Variants in CDC42BPA observed in about 807,000 individuals in gnomAD.
CDC42BPA encodes CDC42 binding protein kinase alpha.
Under a neutral mutation model 223.5 loss-of-function variants are expected in CDC42BPA, and 80 were observed. The observed-to-expected ratio is 0.36, with a 90% CI of 0.30 to 0.43. The LOEUF (loss-of-function observed/expected upper bound fraction) is 0.43, where lower values mean the gene tolerates loss of function less well. Ranked by LOEUF, CDC42BPA falls within the 20% of genes least tolerant of loss-of-function variation. The pLI is 1.00. For missense variants in CDC42BPA, 1,743 were observed against 2,099.9 expected, an observed-to-expected ratio of 0.83 and a Z score of 3.32; for synonymous variants, 694 against 718.6, an observed-to-expected ratio of 0.97 and a Z score of 0.55.
rs1451649755 is a variant in CDC42BPA, at chr1:226,992,386, A to G, written c.*1882T>C. 6.6e-6 allele frequency: 1 copy of G among 152,256 alleles called. No homozygotes were observed. The highest frequency in any genetic ancestry group is 1.5e-5 in the Non-Finnish European group (1 of 68,048). The allele number at this position is 152,256 out of a possible 1,614,324, so 9.4% of individuals were successfully genotyped here. ...CAAAGCTGTTACATGAAAATTCCCG[A>G]TTATAGGTGCTTACAATGGAATCCC... is the stretch of plus-strand genomic sequence containing the variant. On this transcript the variant is annotated 3_prime_UTR_variant, in exon 37 of 37. Coordinates refer to ENST00000366766, the MANE Select transcript of CDC42BPA (RefSeq NM_001394014.1).
intron 1 of CDC42BPA, among the ~76,000 whole-genome samples, chr1:227,278,584 G>A (rs1047532885): frequency 3.3e-5 from 5 of 152,104 alleles, no homozygotes; most frequent in Non-Finnish European, 5.9e-5. Flanking sequence ...ACAAAATATT[G>A]ACCTTGTTCA....
intron 17 of CDC42BPA, among the ~76,000 whole-genome samples, chr1:227,075,335 C>T (rs934112899): frequency 3.9e-5 from 6 of 152,166 alleles, no homozygotes; most frequent in Non-Finnish European, 5.9e-5. Context: ...ATACAGCAGA[C>T]ATGTTTAACT....
At chr1:227,215,546 T>C (rs1343233138) in intron 2 of CDC42BPA, among the ~76,000 whole-genome samples, 1 of 152,216 alleles carries the variant, frequency 6.6e-6, no homozygotes, top group Non-Finnish European at 1.5e-5. Context: ...AGACCCATTC[T>C]ACACACCTGT....
At chr1:227,224,862 TATAA>T (rs1676572339) in intron 2 of CDC42BPA, among the ~76,000 whole-genome samples, 1 of 152,206 alleles carries the variant, frequency 6.6e-6, no homozygotes, top group Admixed American at 6.5e-5. Context: ...ATAAGGCATT[TATAA>T]TATGGAAAAA....
intron 35 of CDC42BPA, 59 bp from the exon 36 acceptor site, chr1:226,995,039 G>A: frequency 6.7e-7 from 1 of 1,490,534 alleles, no homozygotes; most frequent in South Asian, 1.2e-5. Flanking sequence ...ACTCTAGAAA[G>A]CACACAGACT....
rs35451914 is a variant in CDC42BPA at position 227,317,511 on chromosome 1, TAA to T, written c.-331_-330del. ...ACGAACTAGAGAGTCAACACTTCTT[TAA>T]AAAAAAAAAAAAAAACTCTTCTCCT... On this transcript the variant is annotated 5_prime_UTR_variant, in exon 1 of 37. The change abolishes the stop of an existing upstream ORF in the 5' untranslated region. Coordinates refer to ENST00000366766, the MANE Select transcript of CDC42BPA (RefSeq NM_001394014.1). 2.2e-4 allele frequency: 85 copies of T among 379,608 alleles called. No individual in the cohort carries two copies. Among genetic ancestry groups the T allele is most frequent in the South Asian group, 5.5e-4 (4 of 7,272 alleles). 23.5% of individuals were successfully genotyped at this position (379,608 alleles called of 1,614,324 possible). A position where few individuals can be genotyped will look rare whatever the true frequency, so the allele number is the denominator to read the frequency against.
chr1:227,254,397 AAT>A (rs994093471), intron 1 of CDC42BPA, among the ~76,000 whole-genome samples: 4 of 152,194 alleles, frequency 2.6e-5, no homozygotes, highest in African/African-American at 7.2e-5. Flanking sequence ...TTAAACTCCA[AAT>A]AACATATAAA....
At chr1:227,048,951 T>C (rs1673015205) in intron 22 of CDC42BPA, among the ~76,000 whole-genome samples, 1 of 151,924 alleles carries the variant, frequency 6.6e-6, no homozygotes, top group Non-Finnish European at 1.5e-5. Context: ...TTTGTTACCA[T>C]ACAACCTCCA....
At chr1:227,237,246 T>A (rs1679214454) in intron 2 of CDC42BPA, among the ~76,000 whole-genome samples, 2 of 152,094 alleles carry the variant, frequency 1.3e-5, no homozygotes, top group Admixed American at 1.3e-4. Context: ...CAGCTCAATC[T>A]GGAAAAGTTA....
intron 1 of CDC42BPA, among the ~76,000 whole-genome samples, chr1:227,261,910 C>T (rs1300705989): frequency 6.6e-6 from 1 of 152,150 alleles, no homozygotes; most frequent in Non-Finnish European, 1.5e-5. Context: ...TGAATCCATA[C>T]TGCCCATGTG....
chr1:227,064,876 T>A (rs1676660843), intron 21 of CDC42BPA, among the ~76,000 whole-genome samples: 1 of 152,166 alleles, frequency 6.6e-6, no homozygotes, highest in Non-Finnish European at 1.5e-5. Context: ...GGTGGGCAGA[T>A]CACGAAGTCA....
At chr1:227,316,888 G>A in intron 1 of CDC42BPA, 117 bp downstream of exon 1, 1 of 762,878 alleles carries the variant, frequency 1.3e-6, no homozygotes, top group South Asian at 1.9e-5. Context: ...ACTAGTGTCT[G>A]TTTTTTTATT....
At position 227,301,653 on chromosome 1, in the gene CDC42BPA, C is replaced by T. The variant is rs989856873; in HGVS notation, c.178+15352G>A. ...GATTACAGGCATGAGCCACTGTGCC[C>T]AGCCGGATTTAGACTTTTTAATTCT... On this transcript the variant is annotated intron_variant, in intron 1 of 36. Transcript: ENST00000366766. Among the ~76,000 whole-genome samples, 22 of 152,256 alleles carry T rather than the reference C, an allele frequency of 1.4e-4. No individual in the cohort carries two copies. The East Asian group carries it at 4.1e-3, about 28-fold the overall frequency.
intron 34 of CDC42BPA, among the ~76,000 whole-genome samples, chr1:227,013,573 T>G (rs570568736): frequency 6.6e-6 from 1 of 152,252 alleles, no homozygotes; most frequent in South Asian, 2.1e-4. Context: ...TTTCACCTGA[T>G]GGCAGAAGGA....
intron 5 of CDC42BPA, among the ~76,000 whole-genome samples, chr1:227,187,680 C>CCCCG (rs1558708697): frequency 2.3e-4 from 1 of 4,440 alleles, no homozygotes; most frequent in African/African-American, 8.8e-4. Flanking sequence ...GCACCCCCCA[C>CCCCG]CCCCCCCCCA....
rs570691214 is a variant in CDC42BPA at position 226,994,561 on chromosome 1, C to T, written c.5134-162G>A. Among the ~76,000 whole-genome samples the T allele has an allele frequency of 1.3e-4, 20 of 152,250 alleles. No homozygotes were observed. Among genetic ancestry groups the T allele is most frequent in the East Asian group, 3.9e-4 (2 of 5,186 alleles). ...CCTTCTATGAGCTGAGGAAGAGGCA[C>T]GGAACATACAAGCTCCGTCCTTTCT... is the stretch of plus-strand genomic sequence containing the variant. On this transcript the variant is annotated intron_variant, in intron 36 of 36. Coordinates refer to ENST00000366766, the MANE Select transcript of CDC42BPA (RefSeq NM_001394014.1). The surrounding 1 kb of genome is among the most constrained non-coding windows in gnomAD (Gnocchi z 4.0).
At chr1:227,125,283 C>T (rs1197769747) in intron 11 of CDC42BPA, among the ~76,000 whole-genome samples, 3 of 151,418 alleles carry the variant, frequency 2.0e-5, no homozygotes, top group Non-Finnish European at 4.4e-5. Context: ...CCTCATGAGG[C>T]TATAATGAGA....
At chr1:227,240,344 C>A (rs1679803529) in intron 2 of CDC42BPA, among the ~76,000 whole-genome samples, 1 of 151,974 alleles carries the variant, frequency 6.6e-6, no homozygotes. Flanking sequence ...AGATATTGGT[C>A]CTCCCAAAAT....
At chr1:227,008,977 C>G (rs1273148657) in intron 34 of CDC42BPA, among the ~76,000 whole-genome samples, 1 of 152,078 alleles carries the variant, frequency 6.6e-6, no homozygotes, top group Non-Finnish European at 1.5e-5. Context: ...AGCATGTGAA[C>G]AATGCAGCAA....
Sources: allele counts gnomAD v4.1 joint callset (sites outside exome capture counted in the v4.1 genomes callset), GRCh38; gene constraint gnomAD v4.1.1; non-coding constraint Gnocchi (gnomAD v3.1); transcripts MANE v1.5; gene names NCBI Gene and HGNC (gene_info 2026-07-23, HGNC 2026-07-21).